Variants in EDEM1 observed in about 807,000 individuals in gnomAD.
EDEM1 encodes the protein ER degradation-enhancing alpha-mannosidase-like protein 1.
EDEM1 carries 67 observed loss-of-function variants against 74.4 expected under a neutral mutation model. The ratio of observed to expected loss-of-function variants is 0.90; its 90% confidence interval spans 0.74 to 1.10. EDEM1 has a LOEUF of 1.10. EDEM1 is among the 50% of genes least tolerant of loss of function. EDEM1 has a pLI of 0.00. For synonymous variants in EDEM1, 382 were observed against 335.9 expected (o/e 1.14, Z -1.50); for missense variants, 926 against 851.6 (o/e 1.09, Z -1.09).
intron 2 of EDEM1, 47 bp from the exon 3 acceptor site, chr3:5,199,545 A>T: frequency 7.1e-7 from 1 of 1,418,226 alleles, no homozygotes; most frequent in Non-Finnish European, 9.9e-7. Context: ...ATACAGCCTC[A>T]GTTTCATTTC....
At chr3:5,188,638 G>A (rs954124550) in intron 1 of EDEM1, among the ~76,000 whole-genome samples, 1 of 152,194 alleles carries the variant, frequency 6.6e-6, no homozygotes, top group African/African-American at 2.4e-5. Flanking sequence ...TGGCTTGGAG[G>A]GCTTTCCACT....
Position 5,187,740 on chromosome 3 carries a change from C to A in EDEM1, c.-66C>A. 1 of 1,437,998 alleles carries A rather than the reference C, an allele frequency of 7.0e-7. No individual in the cohort carries two copies. 89.1% of individuals were successfully genotyped at this position (1,437,998 alleles called of 1,614,324 possible). A position where few individuals can be genotyped will look rare whatever the true frequency, so the allele number is the denominator to read the frequency against. ...AGCGAGCCGGGCTACGGGGCGAGCG[C>A]GGGGTGCGGTGGTCGGCGGGGAGGC... On this transcript the variant is annotated 5_prime_UTR_variant, in exon 1 of 12. Coordinates refer to ENST00000256497, the MANE Select transcript of EDEM1 (RefSeq NM_014674.3).
rs1672206007 is a variant in EDEM1, at chr3:5,216,042, G to A, written c.*124G>A. The A allele has an allele frequency of 1.4e-6, 1 of 720,606 alleles. No individual in the cohort carries two copies. The allele number at this position is 720,606 out of a possible 1,614,324, so 44.6% of individuals were successfully genotyped here. A position where few individuals can be genotyped will look rare whatever the true frequency, so the allele number is the denominator to read the frequency against. Reference sequence around the variant, plus strand: ...TGTCCATGGTGGTGTAGGAATTTCTGTGCAACACCTCACCACGTCTGGTTA... The same window carrying A: ...TGTCCATGGTGGTGTAGGAATTTCTATGCAACACCTCACCACGTCTGGTTA... On this transcript the variant is annotated 3_prime_UTR_variant, in exon 12 of 12. Coordinates refer to ENST00000256497, the MANE Select transcript of EDEM1 (RefSeq NM_014674.3).
At chr3:5,200,015 A>T (rs1575586910) in intron 3 of EDEM1, among the ~76,000 whole-genome samples, 1 of 150,798 alleles carries the variant, frequency 6.6e-6, no homozygotes, top group East Asian at 1.9e-4. Flanking sequence ...GGCTCACTGC[A>T]ATCTCCACCT....
Position 5,216,005 on chromosome 3 carries a change from C to T in EDEM1, c.*87C>T, listed in dbSNP as rs1351985216. The T allele has an allele frequency of 7.0e-6, 8 of 1,146,946 alleles. No homozygotes were observed. The highest frequency in any genetic ancestry group is 1.0e-5 in the Non-Finnish European group (8 of 782,806). The allele number at this position is 1,146,946 out of a possible 1,614,324, so 71.0% of individuals were successfully genotyped here. ...AAGTCCAGTCTGAAATGAAAGGGGA[C>T]AGAAGTCTTGCTGTCCATGGTGGTG... On this transcript the variant is annotated 3_prime_UTR_variant, in exon 12 of 12. Transcript: ENST00000256497.
Position 5,188,145 on chromosome 3 carries a change from T to A in EDEM1, c.340T>A (p.Tyr114Asn). ...CGGCCGGGGCCGCGGCCCGGACGAG[T>A]ACGAGAAGCGCTACAGCGGCGCCTT... is the stretch of plus-strand genomic sequence containing the variant. ...LGGRGRGPDE[Y>N]EKRYSGAFPP... is the part of the protein sequence containing the mutation. Residue 114 changes from tyrosine (Y) to asparagine (N), a missense_variant, in exon 1 of 12, where the codon TAC becomes AAC. Coordinates refer to ENST00000256497, the MANE Select transcript of EDEM1 (RefSeq NM_014674.3). 1.3e-6 allele frequency: 2 copies of A among 1,536,276 alleles called. No individual in the cohort carries two copies. Among genetic ancestry groups the A allele is most frequent in the Non-Finnish European group, 1.8e-6 (2 of 1,141,732 alleles).
At chr3:5,214,259 A>G (rs1352651662) in intron 11 of EDEM1, among the ~76,000 whole-genome samples, 2 of 152,214 alleles carry the variant, frequency 1.3e-5, no homozygotes, top group African/African-American at 2.4e-5. Flanking sequence ...AGGTCAGTCA[A>G]AATTTCAAAT....
chr3:5,214,635 A>G (rs947160983), intron 11 of EDEM1, among the ~76,000 whole-genome samples: 1 of 152,224 alleles, frequency 6.6e-6, no homozygotes, highest in Non-Finnish European at 1.5e-5. Flanking sequence ...TACTTCTAAC[A>G]ACAGCCCTGT....
At chr3:5,211,079 G>C in intron 9 of EDEM1, 41 bp from the exon 10 acceptor site, 1 of 1,578,452 alleles carries the variant, frequency 6.3e-7, no homozygotes, top group Non-Finnish European at 8.7e-7. Flanking sequence ...CAGCAGGTGG[G>C]AAGGAAGAGA....
chr3:5,200,856 T>C, intron 3 of EDEM1, among the ~76,000 whole-genome samples: 1 of 151,454 alleles, frequency 6.6e-6, no homozygotes, highest in East Asian at 1.9e-4. Context: ...TTTGTTGTCT[T>C]ACCTTTCTCT....
intron 10 of EDEM1, among the ~76,000 whole-genome samples, chr3:5,212,018 G>C (rs2055174616): frequency 6.6e-6 from 1 of 152,224 alleles, no homozygotes; most frequent in Non-Finnish European, 1.5e-5. Flanking sequence ...GTCAGAGATA[G>C]AAGCAGCTGT....
At chr3:5,207,053 G>A in intron 6 of EDEM1, 100 bp from the exon 7 acceptor site, 3 of 1,514,032 alleles carry the variant, frequency 2.0e-6, no homozygotes, top group Non-Finnish European at 2.7e-6. Context: ...AAAAATTAAT[G>A]TTAATTCCGT....
At chr3:5,199,125 G>A (rs1178127803) in intron 2 of EDEM1, among the ~76,000 whole-genome samples, 1 of 152,200 alleles carries the variant, frequency 6.6e-6, no homozygotes, top group East Asian at 1.9e-4. Flanking sequence ...CAATCAACAA[G>A]TTCATTCAGT....
intron 5 of EDEM1, among the ~76,000 whole-genome samples, chr3:5,204,108 A>G (rs1050015141): frequency 1.1e-4 from 16 of 152,332 alleles, no homozygotes; most frequent in African/African-American, 1.4e-4. Flanking sequence ...AACAACAGCA[A>G]TAGAAATAAA....
intron 3 of EDEM1, among the ~76,000 whole-genome samples, chr3:5,200,240 G>A (rs74284148): frequency 0.015 from 2,214 of 152,252 alleles, 90 homozygotes; most frequent in East Asian, 0.094. Context: ...GTACATTTAT[G>A]TTTTAACGGG....
chr3:5,200,823 A>C (rs1325984860), intron 3 of EDEM1, among the ~76,000 whole-genome samples: 1 of 151,508 alleles, frequency 6.6e-6, no homozygotes, highest in East Asian at 1.9e-4. Context: ...CTTGGCAGCC[A>C]AAACAACAAA....
chr3:5,204,936 C>T (rs2055076623), intron 5 of EDEM1, 131 bp from the exon 6 acceptor site: 1 of 954,414 alleles, frequency 1.0e-6, no homozygotes, highest in Non-Finnish European at 1.6e-6. Flanking sequence ...GTCCAAGCAA[C>T]CACCTCCTTC....
At chr3:5,194,770 T>C (rs888735040) in intron 1 of EDEM1, among the ~76,000 whole-genome samples, 8 of 152,232 alleles carry the variant, frequency 5.3e-5, no homozygotes, top group South Asian at 4.1e-4. Context: ...TTTACTTCTT[T>C]TTGTGTGTAA....
rs569341392 is a variant in EDEM1 at position 5,215,033 on chromosome 3, C to G, written c.1885-796C>G. On this transcript the variant is annotated intron_variant, in intron 11 of 11. Coordinates refer to ENST00000256497, the MANE Select transcript of EDEM1 (RefSeq NM_014674.3). ...AAAGGGGTATCCCAGAAAGGGTGTTCAGGCAGAAGCAGTAGCACCTGCAAA... is the reference window on the plus strand; with the variant it reads ...AAAGGGGTATCCCAGAAAGGGTGTTGAGGCAGAAGCAGTAGCACCTGCAAA... Among the ~76,000 whole-genome samples, 103 of 152,272 alleles carry G rather than the reference C, an allele frequency of 6.8e-4. No homozygotes were observed. The Middle Eastern group carries it at 0.017, about 25-fold the overall frequency.
Sources: allele counts gnomAD v4.1 joint callset (sites outside exome capture counted in the v4.1 genomes callset), GRCh38; gene constraint gnomAD v4.1.1; transcripts MANE v1.5; gene names NCBI Gene and HGNC (gene_info 2026-07-23, HGNC 2026-07-21).